Variants in CENPM observed in about 807,000 individuals in gnomAD.
CENPM encodes centromere protein M, also known as interphase centromere complex protein 39.
In CENPM, 14 loss-of-function variants were observed where a neutral mutation model predicts 19.6. The ratio of observed to expected loss-of-function variants is 0.71; its 90% CI spans 0.47 to 1.11. The LOEUF (loss-of-function observed/expected upper bound fraction) is 1.11. CENPM is among the 50% of genes most tolerant of loss of function. CENPM has a pLI of 0.00. For synonymous variants in CENPM, 114 were observed against 101.5 expected (o/e 1.12, Z -0.74); for missense variants, 239 against 228.4 (o/e 1.05, Z -0.30).
chr22:41,932,994 A>C, the CENPM span, among the ~76,000 whole-genome samples: 3 of 152,102 alleles, frequency 2.0e-5, no homozygotes, highest in Non-Finnish European at 4.4e-5. The surrounding 1 kb of genome is among the most constrained non-coding windows in gnomAD (Gnocchi z 4.3). Flanking sequence ...GGAGGTAAGG[A>C]GTGCTGGGGA....
chr22:41,943,831 C>G (rs1250776817), intron 4 of CENPM, 130 bp from the exon 5 acceptor site: 1 of 730,822 alleles, frequency 1.4e-6, no homozygotes, highest in Non-Finnish European at 2.2e-6. Flanking sequence ...GGGTGACAGT[C>G]CTATTCTACT....
Position 41,946,524 on chromosome 22 carries a change from G to C in CENPM, c.58-28C>G, listed in dbSNP as rs771483952. On this transcript the variant is annotated intron_variant, in intron 1 of 5. Transcript: ENST00000215980. ...GCGCAGGGAGAGAGAGCGGACAGTC[G>C]AGCCCTAGGCACAGCACCCCCTGGG... is the stretch of plus-strand genomic sequence containing the variant. 2.5e-6 allele frequency: 4 copies of C among 1,602,250 alleles called. No individual in the cohort carries two copies. In the East Asian group the frequency reaches 8.9e-5, roughly 36 times the overall value.
intron 3 of CENPM, among the ~76,000 whole-genome samples, chr22:41,945,638 C>CAT (rs2077791640): frequency 6.6e-6 from 1 of 151,778 alleles, no homozygotes; most frequent in Non-Finnish European, 1.5e-5. Context: ...TTAGTAGAGA[C>CAT]GGGGTTTCAC....
chr22:41,929,010 A>G, the CENPM span, among the ~76,000 whole-genome samples: 1 of 151,430 alleles, frequency 6.6e-6, no homozygotes, highest in Admixed American at 6.6e-5. Context: ...TCCCCTGTAC[A>G]TGGGCCAGCA....
chr22:41,933,694 A>T, the CENPM span, among the ~76,000 whole-genome samples: 1 of 152,146 alleles, frequency 6.6e-6, no homozygotes, highest in Non-Finnish European at 1.5e-5. Context: ...AGTGTGAGAC[A>T]TTCTTTCACA....
At chr22:41,930,010 C>G in the CENPM span, among the ~76,000 whole-genome samples, 1 of 128,830 alleles carries the variant, frequency 7.8e-6, no homozygotes, top group East Asian at 2.8e-4. Context: ...GTGGCGCAAT[C>G]TCCGCTCACT....
rs553322798 is a variant in CENPM, at chr22:41,941,709, G to A, written c.402+1901C>T. Reference sequence around the variant, plus strand: ...TCTCTCTGGGAGGAAAGCCTGGCGGGGCAGGCACTTCAGGTGTGCCCAGGC... The same window carrying A: ...TCTCTCTGGGAGGAAAGCCTGGCGGAGCAGGCACTTCAGGTGTGCCCAGGC... On this transcript the variant is annotated intron_variant, in intron 5 of 5. Transcript: ENST00000215980. 3.8e-4 allele frequency among the ~76,000 whole-genome samples: 58 copies of A among 152,300 alleles called. 1 individual carries two copies. The South Asian group carries it at 0.012, about 32-fold the overall frequency.
At position 41,946,436 on chromosome 22, in the gene CENPM, A is replaced by C. The variant is rs751933875; in HGVS notation, c.118T>G (p.Cys40Gly). The change falls in exon 2 of 6, where the codon TGC becomes GGC. Residue 40 changes from cysteine to glycine, a missense_variant. Physicochemically the swap from Cys to Gly is radical, Grantham distance 159 (BLOSUM62 -3). Transcript: ENST00000215980. ...QLADSMLKED[C>G]ASELKVHLAK... ...ACTTACACCTTCAGCTCGGAGGCGC[A>C]GTCCTCTTTGAGCATCGAGTCCGCC... 6.2e-7 allele frequency: 1 copy of C among 1,613,028 alleles called. No homozygotes were observed. Among genetic ancestry groups the C allele is most frequent in the South Asian group, 1.1e-5 (1 of 91,038 alleles).
chr22:41,947,031 C>G lies in CENPM; in HGVS notation c.46G>C (p.Ala16Pro). 1 of 1,612,886 alleles carries G rather than the reference C, an allele frequency of 6.2e-7. No individual in the cohort carries two copies. Among genetic ancestry groups the G allele is most frequent in the Non-Finnish European group, 8.5e-7 (1 of 1,179,920 alleles). Residue 16 changes from alanine to proline, a missense_variant, in exon 1 of 6, where the codon GCC (alanine) becomes CCC (proline). By Grantham distance (27) the Ala-to-Pro change is conservative. Coordinates refer to ENST00000215980, the MANE Select transcript of CENPM (RefSeq NM_024053.5). ...CCGCCTGCACCTACCAAGATGGTGGCCGTGTTCAGGCCGGGCAGCTTGTCC... is the reference window on the plus strand; with the variant it reads ...CCGCCTGCACCTACCAAGATGGTGGGCGTGTTCAGGCCGGGCAGCTTGTCC... Reference protein sequence around the residue: ...PLDKLPGLNTATILLVGTEDA... With the variant: ...PLDKLPGLNTPTILLVGTEDA...
chr22:41,939,818 AAAAG>A (rs2077712811), intron 5 of CENPM, among the ~76,000 whole-genome samples: 1 of 42,726 alleles, frequency 2.3e-5, no homozygotes, highest in Non-Finnish European at 5.0e-5. Flanking sequence ...AAAAGAAAGA[AAAAG>A]AAAGAAAGAA....
At chr22:41,929,858 C>A in the CENPM span, among the ~76,000 whole-genome samples, 1 of 150,302 alleles carries the variant, frequency 6.7e-6, no homozygotes, top group Non-Finnish European at 1.5e-5. Flanking sequence ...GATGACAAAA[C>A]AGTTAAGAAG....
chr22:41,928,684 T>C, the CENPM span, among the ~76,000 whole-genome samples: 5 of 151,984 alleles, frequency 3.3e-5, no homozygotes, highest in South Asian at 1.0e-3. The surrounding 1 kb of genome is among the most constrained non-coding windows in gnomAD (Gnocchi z 4.0). Context: ...GCATGGCCAC[T>C]GCCACAGGGG....
At chr22:41,944,036 A>G in intron 4 of CENPM, 1 of 906,442 alleles carries the variant, frequency 1.1e-6, no homozygotes, top group Non-Finnish European at 1.3e-6. Context: ...GGGAAGGCAG[A>G]CAGGTCAGAC....
At position 41,946,498 on chromosome 22, in the gene CENPM, T is replaced by C; in HGVS notation, c.58-2A>G. On this transcript the variant is annotated splice_acceptor_variant, in intron 1 of 5. Coordinates refer to ENST00000215980, the MANE Select transcript of CENPM (RefSeq NM_024053.5). LOFTEE classifies it high-confidence loss of function. ...AAGAGCATCCTCCGTGCCCACCAGCTGCGCAGGGAGAGAGAGCGGACAGTC... is the reference window on the plus strand; with the variant it reads ...AAGAGCATCCTCCGTGCCCACCAGCCGCGCAGGGAGAGAGAGCGGACAGTC... The C allele has an allele frequency of 1.2e-6, 2 of 1,612,904 alleles. No homozygotes were observed. Among genetic ancestry groups the C allele is most frequent in the Non-Finnish European group, 1.7e-6 (2 of 1,179,844 alleles).
chr22:41,927,955 G>A, the CENPM span, among the ~76,000 whole-genome samples: 1 of 152,356 alleles, frequency 6.6e-6, no homozygotes, highest in South Asian at 2.1e-4. Flanking sequence ...GAGGGCGATG[G>A]TGAAGTGTTT....
At chr22:41,939,878 A>AAGAAAGAAAGAAAGAAAGAAAGAG (rs1399573773) in intron 5 of CENPM, among the ~76,000 whole-genome samples, 1 of 72,986 alleles carries the variant, frequency 1.4e-5, no homozygotes, top group Non-Finnish European at 2.4e-5. Flanking sequence ...GAAAGAAAGA[A>AAGAAAGAAAGAAAGAAAGAAAGAG]AAAGAAAGAA....
the CENPM span, among the ~76,000 whole-genome samples, chr22:41,927,493 T>C: frequency 3.3e-5 from 5 of 150,998 alleles, no homozygotes; most frequent in African/African-American, 1.2e-4. Context: ...ACAGAGCTGG[T>C]TGGGGATATC....
the CENPM span, among the ~76,000 whole-genome samples, chr22:41,930,093 G>A: frequency 2.4e-4 from 37 of 151,376 alleles, no homozygotes; most frequent in Admixed American, 7.9e-4. Flanking sequence ...ACAGGCGCCC[G>A]CCACCATGCC....
At chr22:41,932,972 C>T in the CENPM span, among the ~76,000 whole-genome samples, 3 of 152,250 alleles carry the variant, frequency 2.0e-5, no homozygotes, top group South Asian at 2.1e-4. This position sits in a 1 kb window ranked among gnomAD's most constrained non-coding sequence, Gnocchi z 4.3. Context: ...TGGGACACAA[C>T]GTAGTGGGTG....
Sources: gnomAD v4.1 joint callset for allele counts (sites outside exome capture counted in the v4.1 genomes callset) on GRCh38, gnomAD v4.1.1 for gene constraint, Gnocchi (gnomAD v3.1) non-coding constraint, MANE v1.5 for transcripts, NCBI Gene and HGNC (gene_info 2026-07-23, HGNC 2026-07-21) for gene names.